Variants in RETREG3 observed in about 807,000 individuals in gnomAD.
The protein encoded by RETREG3 is reticulophagy regulator family member 3.
In RETREG3, 23 loss-of-function variants were observed where a neutral mutation model predicts 50.2. The observed-to-expected ratio is 0.46, with a 90% confidence interval of 0.33 to 0.65. RETREG3 has a LOEUF of 0.65. Ranked by LOEUF, RETREG3 falls within the 30% of genes least tolerant of loss-of-function variation. The pLI is 0.02. For synonymous variants in RETREG3, 240 were observed against 234.4 expected (o/e 1.02, Z -0.22); for missense variants, 546 against 598.0 (o/e 0.91, Z 0.91).
chr17:42,597,062 C>T (rs1051042245), intron 1 of RETREG3, among the ~76,000 whole-genome samples: 1 of 151,880 alleles, frequency 6.6e-6, no homozygotes, highest in Non-Finnish European at 1.5e-5. Flanking sequence ...TAAATAGAGA[C>T]AAGGTTTCAC....
intron 2 of RETREG3, 111 bp from the exon 3 acceptor site, chr17:42,587,975 A>T: frequency 8.4e-7 from 1 of 1,184,648 alleles, no homozygotes; most frequent in Non-Finnish European, 1.3e-6. Context: ...AAAAGAAAAC[A>T]GTAATAGCCG....
intron 2 of RETREG3, among the ~76,000 whole-genome samples, chr17:42,590,004 C>T (rs551091626): frequency 2.0e-5 from 3 of 152,294 alleles, no homozygotes; most frequent in Non-Finnish European, 4.4e-5. Flanking sequence ...AGTTCAAGAC[C>T]AGCCTGGCCA....
chr17:42,607,430 G>A (rs60929812), intron 1 of RETREG3, among the ~76,000 whole-genome samples: 37,553 of 148,856 alleles, frequency 0.25, 5,043 homozygotes, highest in South Asian at 0.48. Context: ...AGCCCAGGAA[G>A]TGGAAGTTGC....
At position 42,609,350 on chromosome 17, in the gene RETREG3, G is replaced by A. The variant is rs9898532; in HGVS notation, c.-26C>T. ...CTCCCCGCGGCAGCCACAACATCCGGGGCCGTGGCCCGACAAGTCACAATA... is the reference window on the plus strand; with the variant it reads ...CTCCCCGCGGCAGCCACAACATCCGAGGCCGTGGCCCGACAAGTCACAATA... On this transcript the variant is annotated 5_prime_UTR_variant, in exon 1 of 9. Transcript: ENST00000309428. 2,838 of 1,584,814 alleles carry A rather than the reference G, an allele frequency of 1.8e-3. 65 individuals are homozygous for A. In the African/African-American group the frequency reaches 0.034, roughly 19 times the overall value.
At chr17:42,586,029 A>T (rs2093120520) in intron 5 of RETREG3, 24 bp downstream of exon 5, 1 of 1,610,182 alleles carries the variant, frequency 6.2e-7, no homozygotes, top group African/African-American at 1.3e-5. Flanking sequence ...TATACTTTGT[A>T]GGGGAGGTAT....
chr17:42,586,330 A>G, intron 4 of RETREG3, 193 bp from the exon 5 acceptor site: 4 of 588,760 alleles, frequency 6.8e-6, no homozygotes, highest in Non-Finnish European at 1.2e-5. Context: ...CTCCTTTTAC[A>G]TGGCTAACCC....
chr17:42,586,858 C>T lies in RETREG3; in HGVS notation c.411G>A (p.Val137=), dbSNP rs1297171071. The change falls in exon 4 of 9, where the codon GTG becomes GTA. Residue 137 remains valine, a synonymous_variant. Coordinates refer to ENST00000309428, the MANE Select transcript of RETREG3 (RefSeq NM_178126.4). ...CAGCTACATGGTGGCAGAGCTCGGG[C>T]ACGCTGAGCAACCGAGGGTGCACAA... is the stretch of plus-strand genomic sequence containing the variant. ...WGFVHPRLLS[V]PELCHHVAEV... The T allele has an allele frequency of 6.2e-7, 1 of 1,613,972 alleles. No individual in the cohort carries two copies. Among genetic ancestry groups the T allele is most frequent in the South Asian group, 1.1e-5 (1 of 91,076 alleles).
intron 2 of RETREG3, among the ~76,000 whole-genome samples, chr17:42,591,750 A>G (rs1475684390): frequency 1.3e-5 from 2 of 152,200 alleles, no homozygotes; most frequent in African/African-American, 4.8e-5. Context: ...TGCAGTGTCC[A>G]ATAACGATAA....
At chr17:42,594,210 C>T (rs1157597382) in intron 1 of RETREG3, among the ~76,000 whole-genome samples, 1 of 152,032 alleles carries the variant, frequency 6.6e-6, no homozygotes, top group East Asian at 1.9e-4. Flanking sequence ...AATATTGGAG[C>T]CAATATGAAA....
intron 1 of RETREG3, among the ~76,000 whole-genome samples, chr17:42,595,062 T>C (rs1184391452): frequency 1.4e-5 from 2 of 147,912 alleles, no homozygotes; most frequent in East Asian, 4.2e-4. Context: ...CACCTTCTGG[T>C]TGAAGCGATT....
chr17:42,593,988 C>T (rs2093138541), intron 1 of RETREG3, among the ~76,000 whole-genome samples: 2 of 151,922 alleles, frequency 1.3e-5, no homozygotes, highest in African/African-American at 2.4e-5. Context: ...CTCAGGAGCT[C>T]GAGACAAGCC....
intron 1 of RETREG3, among the ~76,000 whole-genome samples, chr17:42,607,121 T>C (rs1465698755): frequency 6.6e-6 from 1 of 152,182 alleles, no homozygotes; most frequent in Non-Finnish European, 1.5e-5. Flanking sequence ...GGGAAATGTT[T>C]TGACTGGATA....
At chr17:42,591,162 A>C (rs1256632752) in intron 2 of RETREG3, among the ~76,000 whole-genome samples, 1 of 152,182 alleles carries the variant, frequency 6.6e-6, no homozygotes, top group African/African-American at 2.4e-5. Context: ...CTTTTTTCTC[A>C]ATCTGTTCAA....
At chr17:42,588,425 T>C (rs2093125608) in intron 2 of RETREG3, among the ~76,000 whole-genome samples, 1 of 151,966 alleles carries the variant, frequency 6.6e-6, no homozygotes, top group South Asian at 2.1e-4. Flanking sequence ...TTTTTTTTTT[T>C]TGGAGACAGG....
intron 1 of RETREG3, among the ~76,000 whole-genome samples, chr17:42,606,494 G>A (rs1285566745): frequency 3.3e-5 from 5 of 151,908 alleles, no homozygotes; most frequent in African/African-American, 7.3e-5. Context: ...CTAGCTACTC[G>A]GGAGACTGAG....
intron 2 of RETREG3, among the ~76,000 whole-genome samples, chr17:42,590,387 T>C (rs2093130233): frequency 6.6e-6 from 1 of 151,148 alleles, no homozygotes; most frequent in Non-Finnish European, 1.5e-5. Context: ...AAAATAAGAA[T>C]AGGGCTGGGC....
chr17:42,602,029 T>A (rs775041772), intron 1 of RETREG3, among the ~76,000 whole-genome samples: 16 of 152,146 alleles, frequency 1.1e-4, no homozygotes, highest in Non-Finnish European at 1.8e-4. Flanking sequence ...AACAAATAGC[T>A]TTATTGGTCG....
chr17:42,581,577 G>A lies in RETREG3; in HGVS notation c.*236C>T. On this transcript the variant is annotated 3_prime_UTR_variant, in exon 9 of 9. Coordinates refer to ENST00000309428, the MANE Select transcript of RETREG3 (RefSeq NM_178126.4). ...CAAAGTACCATCCTGATGGAGAGAAGCCTCCCTTGGGGGAGCACACTCTCA... is the reference window on the plus strand; with the variant it reads ...CAAAGTACCATCCTGATGGAGAGAAACCTCCCTTGGGGGAGCACACTCTCA... 2.0e-6 allele frequency: 1 copy of A among 488,264 alleles called. No individual in the cohort carries two copies. The highest frequency in any genetic ancestry group is 3.7e-5 in the South Asian group (1 of 27,216). The allele number at this position is 488,264 out of a possible 1,614,324, so 30.2% of individuals were successfully genotyped here.
intron 2 of RETREG3, among the ~76,000 whole-genome samples, chr17:42,591,708 G>A (rs1463336043): frequency 6.6e-6 from 1 of 152,148 alleles, no homozygotes; most frequent in East Asian, 1.9e-4. Flanking sequence ...CAATGTAAAA[G>A]GAATTCCTGA....
Sources: allele counts gnomAD v4.1 joint callset (sites outside exome capture counted in the v4.1 genomes callset), GRCh38; gene constraint gnomAD v4.1.1; transcripts MANE v1.5; gene names NCBI Gene and HGNC (gene_info 2026-07-23, HGNC 2026-07-21).